Variants in ZNF804B observed in about 807,000 individuals in gnomAD.
ZNF804B encodes the protein zinc finger protein 804B.
ZNF804B carries 80 observed loss-of-function variants against 101.4 expected under a neutral mutation model. That is an observed-to-expected ratio of 0.79 (90% CI 0.66 to 0.95). The LOEUF is 0.95. Among genes scored for constraint, ZNF804B ranks in the 40% least tolerant of loss-of-function variants. The probability of loss-of-function intolerance (pLI) is 0.00; values close to 1 mark genes in which losing one functional copy is unlikely to be tolerated. For synonymous variants in ZNF804B, 622 were observed against 558.8 expected, an observed-to-expected ratio of 1.11 and a Z score of -1.59; for missense variants, 1,673 against 1,561.9, an observed-to-expected ratio of 1.07 and a Z score of -1.20.
At chr7:88,860,292 A>G (rs896168424) in intron 1 of ZNF804B, among the ~76,000 whole-genome samples, 1 of 152,088 alleles carries the variant, frequency 6.6e-6, no homozygotes, top group African/African-American at 2.4e-5. Context: ...TTGTATGTGT[A>G]TCATTTAGCA....
intron 1 of ZNF804B, among the ~76,000 whole-genome samples, chr7:89,139,195 T>C (rs933619337): frequency 6.6e-6 from 1 of 152,152 alleles, no homozygotes; most frequent in Non-Finnish European, 1.5e-5. Flanking sequence ...TAGCATCATA[T>C]CTGAAAACAA....
At chr7:88,798,678 G>C (rs1036876575) in intron 1 of ZNF804B, among the ~76,000 whole-genome samples, 7 of 152,042 alleles carry the variant, frequency 4.6e-5, no homozygotes, top group Non-Finnish European at 1.0e-4. Context: ...ATCACACTCT[G>C]AACTGTCAAG....
At chr7:89,166,367 A>T (rs1035148717) in intron 1 of ZNF804B, among the ~76,000 whole-genome samples, 1 of 152,182 alleles carries the variant, frequency 6.6e-6, no homozygotes, top group Non-Finnish European at 1.5e-5. Flanking sequence ...TTTACCAATA[A>T]CAATATATTA....
intron 1 of ZNF804B, among the ~76,000 whole-genome samples, chr7:89,203,745 T>C (rs764681284): frequency 5.9e-5 from 9 of 152,134 alleles, no homozygotes; most frequent in African/African-American, 1.4e-4. Context: ...TTAGACATAA[T>C]AGCAGACGTT....
At chr7:89,306,678 T>G (rs1289395055) in intron 2 of ZNF804B, among the ~76,000 whole-genome samples, 2 of 152,012 alleles carry the variant, frequency 1.3e-5, no homozygotes. Flanking sequence ...CTTTGTTAAC[T>G]TAAGCTAATT....
chr7:89,135,646 C>A (rs530836192), intron 1 of ZNF804B, among the ~76,000 whole-genome samples: 1 of 152,166 alleles, frequency 6.6e-6, no homozygotes, highest in East Asian at 1.9e-4. Flanking sequence ...CGTGTCCTAT[C>A]TGATGCACAA....
At chr7:88,885,616 A>G (rs533203326) in intron 1 of ZNF804B, among the ~76,000 whole-genome samples, 1 of 150,432 alleles carries the variant, frequency 6.6e-6, no homozygotes, top group Admixed American at 6.7e-5. Context: ...CTAGATATGA[A>G]AAATGTTTTG....
intron 1 of ZNF804B, among the ~76,000 whole-genome samples, chr7:88,987,165 A>G (rs373858069): frequency 2.0e-5 from 3 of 152,230 alleles, no homozygotes; most frequent in East Asian, 3.9e-4. Context: ...ACAACCAAGC[A>G]TACCCTCACC....
At chr7:88,848,264 G>A (rs1161186110) in intron 1 of ZNF804B, among the ~76,000 whole-genome samples, 2 of 152,192 alleles carry the variant, frequency 1.3e-5, no homozygotes, top group East Asian at 1.9e-4. Flanking sequence ...GTGATAAAAA[G>A]AGATGAAGCT....
chr7:89,078,975 CTTG>C (rs1789655179), intron 1 of ZNF804B, among the ~76,000 whole-genome samples: 1 of 151,964 alleles, frequency 6.6e-6, no homozygotes, highest in African/African-American at 2.4e-5. Flanking sequence ...AGTTGTAGTT[CTTG>C]TTACTCTTTT....
chr7:89,208,561 T>C (rs1488254551), intron 1 of ZNF804B, among the ~76,000 whole-genome samples: 1 of 151,772 alleles, frequency 6.6e-6, no homozygotes, highest in Non-Finnish European at 1.5e-5. Context: ...GCTGCTGTTA[T>C]GATTATCTTT....
chr7:89,197,331 A>G (rs762176209), intron 1 of ZNF804B, among the ~76,000 whole-genome samples: 55 of 151,942 alleles, frequency 3.6e-4, no homozygotes, highest in Non-Finnish European at 4.4e-4. Flanking sequence ...AAGTTTTTCC[A>G]GGGACAATAT....
chr7:89,055,119 C>G (rs1283395850), intron 1 of ZNF804B, among the ~76,000 whole-genome samples: 1 of 151,920 alleles, frequency 6.6e-6, no homozygotes, highest in Non-Finnish European at 1.5e-5. Context: ...TATGGAAGAC[C>G]TTCTTGAAAA....
At chr7:89,008,024 C>G (rs1330978827) in intron 1 of ZNF804B, among the ~76,000 whole-genome samples, 3 of 152,042 alleles carry the variant, frequency 2.0e-5, no homozygotes, top group African/African-American at 7.2e-5. Flanking sequence ...CAGTCTTGTG[C>G]AAGTTAACTT....
At chr7:89,127,364 C>T (rs974403168) in intron 1 of ZNF804B, among the ~76,000 whole-genome samples, 2 of 150,710 alleles carry the variant, frequency 1.3e-5, no homozygotes, top group Admixed American at 6.8e-5. Context: ...AATCCCAAAA[C>T]GGTATTTTTT....
intron 1 of ZNF804B, among the ~76,000 whole-genome samples, chr7:88,845,190 T>A (rs1365864622): frequency 6.6e-6 from 1 of 152,204 alleles, no homozygotes; most frequent in Admixed American, 6.5e-5. Context: ...CTATTACGTG[T>A]TGAACTTCTG....
intron 1 of ZNF804B, among the ~76,000 whole-genome samples, chr7:89,032,500 T>C (rs552408591): frequency 6.6e-6 from 1 of 152,254 alleles, no homozygotes; most frequent in East Asian, 1.9e-4. Flanking sequence ...CTTACTTTCT[T>C]TTCTTCATTT....
chr7:89,010,510 A>G (rs982647890), intron 1 of ZNF804B, among the ~76,000 whole-genome samples: 1 of 152,208 alleles, frequency 6.6e-6, no homozygotes, highest in African/African-American at 2.4e-5. Flanking sequence ...TTCCTAAAGC[A>G]AGTAAAAATT....
chr7:88,819,634 T>A (rs1790943946), intron 1 of ZNF804B, among the ~76,000 whole-genome samples: 2 of 152,184 alleles, frequency 1.3e-5, no homozygotes, highest in Non-Finnish European at 2.9e-5. Context: ...GTGTATACAC[T>A]TTTATCATAA....
Sources: gnomAD v4.1 joint callset for allele counts (sites outside exome capture counted in the v4.1 genomes callset) on GRCh38, gnomAD v4.1.1 for gene constraint, MANE v1.5 for transcripts, NCBI Gene and HGNC (gene_info 2026-07-23, HGNC 2026-07-21) for gene names.